The following QTGAL variants were observed in gnomAD, a reference collection of about 807,000 sequenced individuals.
QTGAL encodes the protein BGnT-like protein 1.
the QTGAL span, among the ~76,000 whole-genome samples, chr17:82,960,003 C>T: frequency 6.6e-6 from 1 of 152,222 alleles, no homozygotes; most frequent in Non-Finnish European, 1.5e-5. Context: ...GGTGGAAACC[C>T]AGTTTTTCCC....
chr17:83,027,572 C>G, the QTGAL span, among the ~76,000 whole-genome samples: 1 of 151,974 alleles, frequency 6.6e-6, no homozygotes, highest in Non-Finnish European at 1.5e-5. Flanking sequence ...CACGGTGGAT[C>G]ATGCCTGTAA....
the QTGAL span, among the ~76,000 whole-genome samples, chr17:83,041,441 C>T: frequency 1.3e-5 from 2 of 152,180 alleles, no homozygotes; most frequent in Non-Finnish European, 2.9e-5. Flanking sequence ...CAGCTAAACA[C>T]ATCATAGTAA....
At chr17:83,036,378 G>T in the QTGAL span, among the ~76,000 whole-genome samples, 1 of 152,322 alleles carries the variant, frequency 6.6e-6, no homozygotes, top group Non-Finnish European at 1.5e-5. Context: ...TGACCAGAGG[G>T]GCCTGAGGGG....
At chr17:82,972,350 C>T in the QTGAL span, among the ~76,000 whole-genome samples, 2 of 139,000 alleles carry the variant, frequency 1.4e-5, no homozygotes, top group Non-Finnish European at 3.1e-5. Context: ...GACCACACCA[C>T]ACCACAGGGG....
chr17:82,959,753 G>A, the QTGAL span, among the ~76,000 whole-genome samples: 13 of 152,154 alleles, frequency 8.5e-5, no homozygotes, highest in South Asian at 6.2e-4. Context: ...CTCTGACACC[G>A]GCCTCCTCGA....
chr17:83,032,781 A>G, the QTGAL span, among the ~76,000 whole-genome samples: 1 of 152,204 alleles, frequency 6.6e-6, no homozygotes, highest in Non-Finnish European at 1.5e-5. Flanking sequence ...AAAAGAGAAG[A>G]AAGAGACCCA....
chr17:83,037,273 CG>C, the QTGAL span, among the ~76,000 whole-genome samples: 6 of 152,086 alleles, frequency 3.9e-5, no homozygotes, highest in Admixed American at 1.3e-4. The surrounding 1 kb of genome is among the most constrained non-coding windows in gnomAD (Gnocchi z 5.2). Context: ...TGCCCTGTTC[CG>C]GGGGGGCATC....
chr17:82,957,185 G>C, the QTGAL span: 4 of 1,614,212 alleles, frequency 2.5e-6, no homozygotes, highest in Non-Finnish European at 2.5e-6. Flanking sequence ...GCACACCTGA[G>C]AGTCCTCGTG....
the QTGAL span, chr17:82,943,582 G>T: frequency 6.6e-6 from 1 of 152,342 alleles, no homozygotes. Context: ...CGAGAACTGG[G>T]AGGTGCCACC....
the QTGAL span, among the ~76,000 whole-genome samples, chr17:83,029,568 CA>C: frequency 3.9e-5 from 6 of 152,008 alleles, no homozygotes; most frequent in Admixed American, 6.5e-5. Context: ...ACGATGAAAA[CA>C]AAAAATACAG....
chr17:82,969,475 C>T, the QTGAL span, among the ~76,000 whole-genome samples: 6 of 151,494 alleles, frequency 4.0e-5, no homozygotes, highest in African/African-American at 1.5e-4. Flanking sequence ...TCCCAAAGTG[C>T]TGGGATTACA....
At chr17:83,039,080 G>A in the QTGAL span, among the ~76,000 whole-genome samples, 1 of 152,176 alleles carries the variant, frequency 6.6e-6, no homozygotes, top group African/African-American at 2.4e-5. Flanking sequence ...GATGATGACA[G>A]ACAGCTGCCA....
At chr17:82,991,460 C>T in the QTGAL span, among the ~76,000 whole-genome samples, 14 of 152,198 alleles carry the variant, frequency 9.2e-5, no homozygotes, top group East Asian at 3.9e-4. Context: ...TCGCCATCCA[C>T]GTAAGCTTGG....
At chr17:83,013,742 G>A in the QTGAL span, among the ~76,000 whole-genome samples, 14 of 152,228 alleles carry the variant, frequency 9.2e-5, no homozygotes, top group African/African-American at 3.4e-4. Context: ...CAGGGTGAGC[G>A]CCAAACTGCC....
the QTGAL span, among the ~76,000 whole-genome samples, chr17:83,041,800 G>A: frequency 6.6e-6 from 1 of 152,172 alleles, no homozygotes; most frequent in Non-Finnish European, 1.5e-5. Flanking sequence ...CACAGGCTGG[G>A]GGCCATCTGT....
the QTGAL span, among the ~76,000 whole-genome samples, chr17:82,958,338 C>T: frequency 3.9e-5 from 6 of 152,218 alleles, no homozygotes; most frequent in East Asian, 3.8e-4. Flanking sequence ...CTGCCCTGGC[C>T]GAGTCCTGGG....
At chr17:82,958,792 A>G in the QTGAL span, among the ~76,000 whole-genome samples, 1 of 117,472 alleles carries the variant, frequency 8.5e-6, no homozygotes, top group Non-Finnish European at 1.6e-5. Flanking sequence ...GGGACACTGA[A>G]GCATGTGTGT....
the QTGAL span, among the ~76,000 whole-genome samples, chr17:83,027,002 A>G: frequency 4.8e-5 from 7 of 147,306 alleles, no homozygotes; most frequent in East Asian, 1.0e-3. Flanking sequence ...CGACAGACAC[A>G]CAGAGCGGGG....
the QTGAL span, among the ~76,000 whole-genome samples, chr17:83,036,437 T>C: frequency 6.6e-6 from 1 of 152,330 alleles, no homozygotes; most frequent in South Asian, 2.1e-4. Flanking sequence ...GCCGGTTACA[T>C]GGTGTGTGCA....
Sources: gnomAD v4.1 joint callset for allele counts (sites outside exome capture counted in the v4.1 genomes callset) on GRCh38, gnomAD v4.1.1 for gene constraint, Gnocchi (gnomAD v3.1) non-coding constraint, MANE v1.5 for transcripts, NCBI Gene and HGNC (gene_info 2026-07-23, HGNC 2026-07-21) for gene names.